Variants in VCL observed in about 807,000 individuals in gnomAD.
The protein encoded by VCL is vinculin.
In VCL, 47 loss-of-function variants were observed where a neutral mutation model predicts 125.7. The ratio of observed to expected loss-of-function variants is 0.37; its 90% confidence interval spans 0.30 to 0.48. The LOEUF (loss-of-function observed/expected upper bound fraction) is 0.48. VCL is among the 20% of genes least tolerant of loss of function. VCL has a pLI of 0.99. For missense variants in VCL, 1,069 were observed against 1,455.5 expected (o/e 0.73, Z 4.32); for synonymous variants, 458 against 514.6 (o/e 0.89, Z 1.49).
rs116192790 is a variant in VCL, at chr10:74,002,570, T to C, written c.168+4195T>C. Among the ~76,000 whole-genome samples, 170 of 152,014 alleles carry C rather than the reference T, an allele frequency of 1.1e-3. 1 individual carries two copies. The highest frequency in any genetic ancestry group is 4.0e-3 in the African/African-American group (166 of 41,468). Reference sequence around the variant, plus strand: ...GTCTTAAAGACAGATAGGATTTGAATATTTAGAGATGTGGTAAGAAAGGTA... The same window carrying C: ...GTCTTAAAGACAGATAGGATTTGAACATTTAGAGATGTGGTAAGAAAGGTA... On this transcript the variant is annotated intron_variant, in intron 1 of 21. Coordinates refer to ENST00000211998, the MANE Select transcript of VCL (RefSeq NM_014000.3).
intron 1 of VCL, among the ~76,000 whole-genome samples, chr10:74,042,698 G>A (rs938407375): frequency 3.3e-5 from 5 of 152,088 alleles, no homozygotes; most frequent in Admixed American, 6.5e-5. Context: ...GTTTTTTTCT[G>A]TATAGATAGT....
At chr10:74,058,504 G>A (rs1002621806) in intron 2 of VCL, among the ~76,000 whole-genome samples, 1 of 151,912 alleles carries the variant, frequency 6.6e-6, no homozygotes, top group African/African-American at 2.4e-5. Context: ...AACCTAAAAG[G>A]CTATACTGTC....
In VCL at chr10:74,111,896, G is replaced by A. The variant is rs771682081; in HGVS notation, c.2746-13G>A. ...ACTATCCCTATTTCTCATCCTTCCC[G>A]CCATCGACAAAGCCGGGCATCCCAG... On this transcript the variant is annotated splice_polypyrimidine_tract_variant and intron_variant, in intron 18 of 21. Coordinates refer to ENST00000211998, the MANE Select transcript of VCL (RefSeq NM_014000.3). 22 of 1,614,008 alleles carry A rather than the reference G, an allele frequency of 1.4e-5. 1 individual carries two copies. In the South Asian group the frequency reaches 1.8e-4, roughly 13 times the overall value.
chr10:74,069,995 T>A (rs1841638808), intron 2 of VCL, among the ~76,000 whole-genome samples: 2 of 152,202 alleles, frequency 1.3e-5, no homozygotes, highest in South Asian at 2.1e-4. Flanking sequence ...TTTTAATTTT[T>A]AAATTTTTGT....
chr10:74,100,599 C>G (rs1175183123), intron 13 of VCL, among the ~76,000 whole-genome samples: 1 of 152,140 alleles, frequency 6.6e-6, no homozygotes, highest in Non-Finnish European at 1.5e-5. Context: ...AGAAGATAAG[C>G]TTTTGAGAAT....
At chr10:74,064,090 G>A (rs1283854294) in intron 2 of VCL, among the ~76,000 whole-genome samples, 4 of 152,136 alleles carry the variant, frequency 2.6e-5, no homozygotes, top group Non-Finnish European at 5.9e-5. Flanking sequence ...CTACAAAGTT[G>A]GGAGTTCCTA....
intron 1 of VCL, among the ~76,000 whole-genome samples, chr10:74,012,675 T>G (rs1840456700): frequency 6.6e-6 from 1 of 152,084 alleles, no homozygotes; most frequent in Non-Finnish European, 1.5e-5. Context: ...GAGGAGATGG[T>G]GGGCCACCTA....
chr10:74,034,347 A>G (rs1251465016), intron 1 of VCL, among the ~76,000 whole-genome samples: 4 of 151,994 alleles, frequency 2.6e-5, no homozygotes, highest in African/African-American at 7.3e-5. Flanking sequence ...TTTTCCAGCT[A>G]TGTTTCCTGA....
chr10:74,007,538 C>T (rs1468111072), intron 1 of VCL, among the ~76,000 whole-genome samples: 1 of 152,188 alleles, frequency 6.6e-6, no homozygotes, highest in East Asian at 1.9e-4. Context: ...CTCTGTTGCT[C>T]AGGCTGCAGT....
chr10:74,114,430 T>TGC (rs1564535735), intron 20 of VCL, 43 bp downstream of exon 20: 6 of 1,489,830 alleles, frequency 4.0e-6, no homozygotes, highest in African/African-American at 3.3e-5. Context: ...TGTGTGTGTG[T>TGC]GTGTGTGCGT....
At chr10:74,051,815 A>G (rs1841304250) in intron 2 of VCL, among the ~76,000 whole-genome samples, 1 of 152,202 alleles carries the variant, frequency 6.6e-6, no homozygotes, top group Non-Finnish European at 1.5e-5. Flanking sequence ...TTATCCCAAG[A>G]GGGTTCTTGG....
At chr10:74,002,368 G>A (rs1027449348) in intron 1 of VCL, among the ~76,000 whole-genome samples, 3 of 150,018 alleles carry the variant, frequency 2.0e-5, no homozygotes, top group South Asian at 4.2e-4. Flanking sequence ...CAGGTTATCC[G>A]CCCGCCTCGG....
In VCL at chr10:74,083,525, T is replaced by C; in HGVS notation, c.1022+12T>C. ...GACCTCCGTGCCAGGTAAAAGTTCC[T>C]CTGTCCTTACAGAGCAGTAGTGGGT... On this transcript the variant is annotated intron_variant, in intron 8 of 21. Transcript: ENST00000211998. 2 of 1,613,458 alleles carry C rather than the reference T, an allele frequency of 1.2e-6. No homozygotes were observed. The highest frequency in any genetic ancestry group is 1.7e-6 in the Non-Finnish European group (2 of 1,179,624).
intron 10 of VCL, among the ~76,000 whole-genome samples, chr10:74,093,515 A>G (rs1839921178): frequency 2.0e-5 from 3 of 152,160 alleles, no homozygotes; most frequent in African/African-American, 7.2e-5. Context: ...TGGGTGTGGT[A>G]GGTCATGCCT....
At chr10:74,082,322 A>G (rs1472890578) in intron 6 of VCL, 132 bp from the exon 7 acceptor site, 2 of 873,650 alleles carry the variant, frequency 2.3e-6, no homozygotes, top group African/African-American at 3.3e-5. Flanking sequence ...TGGTGACAAT[A>G]TTTTTAAGGC....
chr10:74,060,542 G>A (rs2136264508), intron 2 of VCL, among the ~76,000 whole-genome samples: 1 of 151,424 alleles, frequency 6.6e-6, no homozygotes, highest in East Asian at 1.9e-4. Flanking sequence ...TGTAGTTCCA[G>A]CTACTTGGGA....
chr10:74,018,702 C>G (rs1840606719), intron 1 of VCL, among the ~76,000 whole-genome samples: 1 of 152,120 alleles, frequency 6.6e-6, no homozygotes, highest in African/African-American at 2.4e-5. Context: ...ACAAAACTAA[C>G]TTCAGTTTTT....
intron 8 of VCL, among the ~76,000 whole-genome samples, chr10:74,088,885 A>G (rs1839830981): frequency 6.6e-6 from 1 of 152,216 alleles, no homozygotes; most frequent in Non-Finnish European, 1.5e-5. Flanking sequence ...TCACCAGCAC[A>G]TTTTCCCACT....
chr10:74,010,091 T>C (rs1329660453), intron 1 of VCL, among the ~76,000 whole-genome samples: 1 of 151,818 alleles, frequency 6.6e-6, no homozygotes, highest in African/African-American at 2.4e-5. Flanking sequence ...ACCCAGCTAA[T>C]TTTTTGTATT....
Sources: allele counts gnomAD v4.1 joint callset (sites outside exome capture counted in the v4.1 genomes callset), GRCh38; gene constraint gnomAD v4.1.1; transcripts MANE v1.5; gene names NCBI Gene and HGNC (gene_info 2026-07-23, HGNC 2026-07-21).